The following TRIM71 variants were observed in gnomAD, a reference collection of about 807,000 sequenced individuals.
TRIM71 encodes the protein tripartite motif containing 71.
Under a neutral mutation model 61.2 loss-of-function variants are expected in TRIM71, and 9 were observed. That is an observed-to-expected ratio of 0.15 (90% CI 0.09 to 0.26). The LOEUF (loss-of-function observed/expected upper bound fraction) is 0.26. Ranked by LOEUF, TRIM71 falls within the 10% of genes least tolerant of loss-of-function variation. TRIM71 has a pLI of 1.00. For missense variants in TRIM71, 998 were observed against 1,238.7 expected, an observed-to-expected ratio of 0.81 and a Z score of 2.92; for synonymous variants, 645 against 553.2, an observed-to-expected ratio of 1.17 and a Z score of -2.33.
chr3:32,878,613 C>T (rs1440264810), intron 2 of TRIM71, among the ~76,000 whole-genome samples: 3 of 150,390 alleles, frequency 2.0e-5, no homozygotes, highest in African/African-American at 7.5e-5. Flanking sequence ...GAAACCCTGT[C>T]TCAAAAAAAT....
At chr3:32,884,556 A>G (rs1168604450) in intron 2 of TRIM71, among the ~76,000 whole-genome samples, 1 of 150,804 alleles carries the variant, frequency 6.6e-6, no homozygotes, top group Non-Finnish European at 1.5e-5. Flanking sequence ...AAAAAAAAAG[A>G]AAGAAAAAGA....
Position 32,887,856 on chromosome 3 carries a change from A to G in TRIM71, c.1155+1788A>G, listed in dbSNP as rs62251959. Reference sequence around the variant, plus strand: ...GAAAAAGCAGGAATGAGTCGAAATCATATAATCACCCCTCCCACCCTAAAG... The same window carrying G: ...GAAAAAGCAGGAATGAGTCGAAATCGTATAATCACCCCTCCCACCCTAAAG... On this transcript the variant is annotated intron_variant, in intron 3 of 3. Coordinates refer to ENST00000383763, the MANE Select transcript of TRIM71 (RefSeq NM_001039111.3). Among the ~76,000 whole-genome samples the G allele has an allele frequency of 8.8e-3, 1,337 of 152,274 alleles. 8 individuals are homozygous for G. Among genetic ancestry groups the G allele is most frequent in the Admixed American group, 0.014 (221 of 15,284 alleles).
At chr3:32,873,369 G>T (rs1696819140) in intron 1 of TRIM71, among the ~76,000 whole-genome samples, 2 of 152,114 alleles carry the variant, frequency 1.3e-5, no homozygotes, top group African/African-American at 4.8e-5. Flanking sequence ...CACACATCTA[G>T]GCTAGAGCAG....
intron 2 of TRIM71, among the ~76,000 whole-genome samples, chr3:32,883,330 A>G (rs114077547): frequency 8.9e-4 from 136 of 152,348 alleles, no homozygotes; most frequent in African/African-American, 3.2e-3. Context: ...GTAACAATTT[A>G]CCATAAACTG....
Position 32,818,752 on chromosome 3 carries a change from C to G in TRIM71, c.672C>G (p.Val224=), listed in dbSNP as rs755360966. 6.2e-7 allele frequency: 1 copy of G among 1,604,636 alleles called. No individual in the cohort carries two copies. The highest frequency in any genetic ancestry group is 8.5e-7 in the Non-Finnish European group (1 of 1,178,258). ...AGGAGCACCTGTGCGACAACTGCGT[C>G]CGAGCGCACCAGCGCGTGCGCCTCA... is the stretch of plus-strand genomic sequence containing the variant. ...DCQEHLCDNC[V]RAHQRVRLTK... Residue 224 remains valine (V), a synonymous_variant, in exon 1 of 4, where the codon GTC becomes GTG. Coordinates refer to ENST00000383763, the MANE Select transcript of TRIM71 (RefSeq NM_001039111.3).
intron 1 of TRIM71, among the ~76,000 whole-genome samples, chr3:32,865,776 A>C (rs1204959639): frequency 9.5e-6 from 1 of 105,772 alleles, no homozygotes; most frequent in Admixed American, 1.1e-4. Context: ...TGGACCTTTT[A>C]ATTTGCCGCC....
chr3:32,843,586 C>T (rs544298742), intron 1 of TRIM71, among the ~76,000 whole-genome samples: 25 of 152,304 alleles, frequency 1.6e-4, no homozygotes, highest in Middle Eastern at 3.4e-3. Context: ...CCTCCCTTTC[C>T]CTGCCAGCTA....
At chr3:32,829,057 G>A (rs1438529524) in intron 1 of TRIM71, among the ~76,000 whole-genome samples, 1 of 151,432 alleles carries the variant, frequency 6.6e-6, no homozygotes, top group Non-Finnish European at 1.5e-5. Flanking sequence ...GCAGTGATGT[G>A]ATCTCGGCTC....
At chr3:32,831,764 T>C (rs1270734630) in intron 1 of TRIM71, among the ~76,000 whole-genome samples, 2 of 152,144 alleles carry the variant, frequency 1.3e-5, no homozygotes, top group African/African-American at 4.8e-5. Context: ...CTTGAACTCC[T>C]GACCTCAAGT....
At chr3:32,853,960 C>A (rs536357389) in intron 1 of TRIM71, among the ~76,000 whole-genome samples, 1 of 151,820 alleles carries the variant, frequency 6.6e-6, no homozygotes, top group Non-Finnish European at 1.5e-5. Context: ...GCTGAGACCA[C>A]GCCACTGCAC....
intron 1 of TRIM71, among the ~76,000 whole-genome samples, chr3:32,864,804 G>A (rs919256566): frequency 2.0e-5 from 3 of 151,580 alleles, no homozygotes; most frequent in Non-Finnish European, 4.4e-5. Flanking sequence ...TCCCCCAGTT[G>A]GTATTTTGCA....
chr3:32,835,247 T>C (rs7644738), intron 1 of TRIM71, among the ~76,000 whole-genome samples: 27,975 of 151,672 alleles, frequency 0.18, 2,846 homozygotes, highest in Middle Eastern at 0.27. Context: ...ATGGGGGGAG[T>C]GGGGGCAGAA....
rs548352890 is a variant in TRIM71 at position 32,895,176 on chromosome 3, G to C, written c.*3365G>C. On this transcript the variant is annotated 3_prime_UTR_variant, in exon 4 of 4. Transcript: ENST00000383763. ...GATCTAATGCTGTCTCAGAACATGT[G>C]CCCTGTTGTGGCTGCAAGTGGCACT... is the stretch of plus-strand genomic sequence containing the variant. The C allele has an allele frequency of 2.2e-4, 33 of 152,228 alleles. No individual in the cohort carries two copies. Among genetic ancestry groups the C allele is most frequent in the South Asian group, 4.1e-4 (2 of 4,834 alleles). The allele number at this position is 152,228 out of a possible 1,614,324, so 9.4% of individuals were successfully genotyped here. A position where few individuals can be genotyped will look rare whatever the true frequency, so the allele number is the denominator to read the frequency against.
At chr3:32,859,021 T>C (rs1475838523) in intron 1 of TRIM71, among the ~76,000 whole-genome samples, 1 of 152,102 alleles carries the variant, frequency 6.6e-6, no homozygotes, top group Admixed American at 6.6e-5. Flanking sequence ...CTCACCACTT[T>C]TATAGGGCAG....
rs368510659 is a variant in TRIM71, at chr3:32,840,261, A to T, written c.852+21329A>T. On this transcript the variant is annotated intron_variant, in intron 1 of 3. Transcript: ENST00000383763. ...CTTCCAAAGGTCCTTTTTGCTGGGG[A>T]TCTCTGATTGGAATCTCCCTAGAAT... Among the ~76,000 whole-genome samples, 14 of 131,052 alleles carry T rather than the reference A, an allele frequency of 1.1e-4. No individual in the cohort carries two copies. In the South Asian group the frequency reaches 3.1e-3, roughly 29 times the overall value. 86.0% of individuals were successfully genotyped at this position (131,052 alleles called of 152,430 possible).
At chr3:32,859,382 C>T (rs1017866267) in intron 1 of TRIM71, among the ~76,000 whole-genome samples, 3 of 152,132 alleles carry the variant, frequency 2.0e-5, no homozygotes, top group Non-Finnish European at 2.9e-5. Context: ...GCCTCAGCCT[C>T]CCAAGAAGCT....
At chr3:32,884,540 GA>G (rs11339536) in intron 2 of TRIM71, among the ~76,000 whole-genome samples, 134,802 of 138,508 alleles carry the variant, frequency 0.97, 65,625 homozygotes, top group South Asian at 0.99. Context: ...ATCTCTATTT[GA>G]AAAAAAAAAA....
At chr3:32,839,677 GT>G (rs1270449651) in intron 1 of TRIM71, among the ~76,000 whole-genome samples, 2 of 114,988 alleles carry the variant, frequency 1.7e-5, no homozygotes, top group African/African-American at 3.2e-5. Context: ...GGGGGTGGGG[GT>G]GGGGTCCCTT....
chr3:32,827,055 G>A (rs1411848735), intron 1 of TRIM71, among the ~76,000 whole-genome samples: 5 of 152,018 alleles, frequency 3.3e-5, no homozygotes, highest in South Asian at 2.1e-4. Flanking sequence ...ATGAGCCACC[G>A]CGCCCGGGCT....
Sources: gnomAD v4.1 joint callset for allele counts (sites outside exome capture counted in the v4.1 genomes callset) on GRCh38, gnomAD v4.1.1 for gene constraint, MANE v1.5 for transcripts, NCBI Gene and HGNC (gene_info 2026-07-23, HGNC 2026-07-21) for gene names.